The following MYO3B variants were observed in gnomAD, a reference collection of about 807,000 sequenced individuals.
The protein encoded by MYO3B is myosin-IIIb.
A neutral mutation model predicts 174.6 loss-of-function variants in MYO3B; 156 were observed. That is an observed-to-expected ratio of 0.89 (90% confidence interval 0.78 to 1.02). The LOEUF (loss-of-function observed/expected upper bound fraction) is 1.02, where lower values mean the gene tolerates loss of function less well. MYO3B is among the 50% of genes least tolerant of loss of function. MYO3B has a pLI of 0.00. For synonymous variants in MYO3B, 563 were observed against 569.1 expected, an observed-to-expected ratio of 0.99 and a Z score of 0.15; for missense variants, 1,632 against 1,639.4, an observed-to-expected ratio of 1.00 and a Z score of 0.08.
At chr2:170,517,143 T>G (rs1688368335) in intron 29 of MYO3B, among the ~76,000 whole-genome samples, 2 of 152,242 alleles carry the variant, frequency 1.3e-5, no homozygotes, top group African/African-American at 2.4e-5. Flanking sequence ...TCCTTCTCCC[T>G]GTTCTTCAGC....
At chr2:170,628,410 G>A (rs547949899) in intron 32 of MYO3B, among the ~76,000 whole-genome samples, 14 of 152,312 alleles carry the variant, frequency 9.2e-5, no homozygotes, top group African/African-American at 3.4e-4. Context: ...ACAGTATTAG[G>A]GTGGGAGTGA....
At chr2:170,628,602 A>T (rs1696671672) in intron 32 of MYO3B, among the ~76,000 whole-genome samples, 3 of 152,152 alleles carry the variant, frequency 2.0e-5, no homozygotes, top group African/African-American at 7.2e-5. Flanking sequence ...GAAATGCAGA[A>T]ATCACCCGTC....
chr2:170,485,376 A>G (rs1383028477), intron 25 of MYO3B, among the ~76,000 whole-genome samples: 1 of 148,458 alleles, frequency 6.7e-6, no homozygotes, highest in African/African-American at 2.5e-5. Flanking sequence ...TAGTAGTTTT[A>G]TCCTTTCAGA....
chr2:170,281,794 T>A (rs7593563), intron 7 of MYO3B, among the ~76,000 whole-genome samples: 2 of 152,050 alleles, frequency 1.3e-5, no homozygotes, highest in African/African-American at 4.8e-5. Context: ...AGTTGGTTTT[T>A]TAAAAAAATT....
intron 32 of MYO3B, among the ~76,000 whole-genome samples, chr2:170,609,553 C>G (rs1213949239): frequency 2.6e-5 from 4 of 152,168 alleles, no homozygotes; most frequent in African/African-American, 9.7e-5. Flanking sequence ...TGTAAGGACT[C>G]ATTTAAATAC....
chr2:170,310,075 A>T (rs1281564728), intron 7 of MYO3B, among the ~76,000 whole-genome samples: 7 of 152,244 alleles, frequency 4.6e-5, no homozygotes, highest in Non-Finnish European at 7.3e-5. Flanking sequence ...GCTTATGCAC[A>T]TTGTAGCATG....
chr2:170,429,030 G>A (rs34271786), intron 22 of MYO3B, among the ~76,000 whole-genome samples: 11,818 of 152,246 alleles, frequency 0.078, 559 homozygotes, highest in Non-Finnish European at 0.1. Context: ...AGCTAACAGC[G>A]TCTTGTTTGC....
chr2:170,579,406 C>T (rs530948082), intron 32 of MYO3B, among the ~76,000 whole-genome samples: 42 of 151,886 alleles, frequency 2.8e-4, no homozygotes, highest in Non-Finnish European at 4.9e-4. Flanking sequence ...AACATTTTAC[C>T]GTATTTGCTT....
chr2:170,377,070 G>T (rs1343311519), intron 9 of MYO3B, among the ~76,000 whole-genome samples: 1 of 152,214 alleles, frequency 6.6e-6, no homozygotes, highest in African/African-American at 2.4e-5. Flanking sequence ...CTGGCAGACA[G>T]AAAGAGGCTA....
At chr2:170,324,299 T>C (rs1212336560) in intron 7 of MYO3B, among the ~76,000 whole-genome samples, 1 of 152,208 alleles carries the variant, frequency 6.6e-6, no homozygotes, top group East Asian at 1.9e-4. Context: ...CAAGGAAGTT[T>C]TGGTCAATAA....
chr2:170,254,467 CT>C (rs1574661890), intron 7 of MYO3B, among the ~76,000 whole-genome samples: 1 of 152,306 alleles, frequency 6.6e-6, no homozygotes, highest in East Asian at 1.9e-4. Context: ...CTCCCAGTGT[CT>C]GCTGGCCCCT....
chr2:170,194,521 G>A (rs1285097786), intron 1 of MYO3B, among the ~76,000 whole-genome samples: 1 of 151,144 alleles, frequency 6.6e-6, no homozygotes, highest in Non-Finnish European at 1.5e-5. Context: ...AAAAAAAAAA[G>A]AGCTTTGTTA....
intron 22 of MYO3B, among the ~76,000 whole-genome samples, chr2:170,440,736 G>C (rs991474401): frequency 1.2e-4 from 18 of 149,502 alleles, no homozygotes; most frequent in Admixed American, 1.0e-3. Flanking sequence ...CAGGGCAACA[G>C]AGTGAGACTC....
chr2:170,530,842 G>A (rs1377942086), intron 30 of MYO3B, among the ~76,000 whole-genome samples: 1 of 152,164 alleles, frequency 6.6e-6, no homozygotes, highest in Non-Finnish European at 1.5e-5. Context: ...GGTGGAAGGG[G>A]CATTGTTGCC....
chr2:170,384,414 G>A (rs1328642189), intron 12 of MYO3B, among the ~76,000 whole-genome samples: 1 of 152,026 alleles, frequency 6.6e-6, no homozygotes, highest in Non-Finnish European at 1.5e-5. Flanking sequence ...CTTTCAATAG[G>A]TATATTTTTC....
rs2092637173 is a variant in MYO3B at position 170,199,404 on chromosome 2, T to C, written c.186+13T>C. ...GGATCCAGTCAGTGTAAGTAACAGT[T>C]GTAAATTATAACCAGAATTTGGTGT... is the stretch of plus-strand genomic sequence containing the variant. On this transcript the variant is annotated intron_variant, in intron 2 of 34. Coordinates refer to ENST00000408978, the MANE Select transcript of MYO3B (RefSeq NM_138995.5). 6.4e-7 allele frequency: 1 copy of C among 1,567,294 alleles called. No homozygotes were observed. Among genetic ancestry groups the C allele is most frequent in the African/African-American group, 1.4e-5 (1 of 73,232 alleles).
At chr2:170,593,525 A>G (rs1197138791) in intron 32 of MYO3B, among the ~76,000 whole-genome samples, 1 of 152,272 alleles carries the variant, frequency 6.6e-6, no homozygotes, top group Non-Finnish European at 1.5e-5. Flanking sequence ...ACATCAGCAC[A>G]GAAAAGCTAC....
At chr2:170,642,395 TGAA>T (rs965025863) in intron 32 of MYO3B, among the ~76,000 whole-genome samples, 8 of 152,232 alleles carry the variant, frequency 5.3e-5, no homozygotes, top group Admixed American at 1.3e-4. Flanking sequence ...TTTGCAATTT[TGAA>T]GAAGATTGTT....
At chr2:170,327,877 A>AT (rs2093880542) in intron 7 of MYO3B, among the ~76,000 whole-genome samples, 1 of 35,918 alleles carries the variant, frequency 2.8e-5, no homozygotes, top group African/African-American at 5.4e-5. Flanking sequence ...ATATATATAC[A>AT]CTATATATAG....
Sources: gnomAD v4.1 joint callset for allele counts (sites outside exome capture counted in the v4.1 genomes callset) on GRCh38, gnomAD v4.1.1 for gene constraint, MANE v1.5 for transcripts, NCBI Gene and HGNC (gene_info 2026-07-23, HGNC 2026-07-21) for gene names.